The following DPP10 variants were observed in gnomAD, a reference collection of about 807,000 sequenced individuals.
DPP10 encodes dipeptidyl peptidase like 10, also known as inactive dipeptidyl peptidase 10.
In DPP10, 33 loss-of-function variants were observed where a neutral mutation model predicts 120.9. The ratio of observed to expected loss-of-function variants is 0.27; its 90% CI spans 0.21 to 0.37. The LOEUF is 0.37. Ranked by LOEUF, DPP10 falls within the 10% of genes least tolerant of loss-of-function variation. The pLI, the probability that DPP10 is intolerant of heterozygous loss-of-function variation, is 1.00. For synonymous variants in DPP10, 337 were observed against 326.1 expected, an observed-to-expected ratio of 1.03 and a Z score of -0.36; for missense variants, 816 against 942.8, an observed-to-expected ratio of 0.87 and a Z score of 1.76.
chr2:115,176,510 G>A (rs1184178994), intron 1 of DPP10, among the ~76,000 whole-genome samples: 2 of 151,930 alleles, frequency 1.3e-5, no homozygotes, highest in Admixed American at 6.6e-5. Flanking sequence ...TGCAGAAGTT[G>A]TCTTTTGATC....
chr2:114,920,936 G>C (rs886836906), intron 1 of DPP10, among the ~76,000 whole-genome samples: 10 of 152,130 alleles, frequency 6.6e-5, no homozygotes, highest in African/African-American at 2.4e-4. Flanking sequence ...ATTGCAGGAA[G>C]AGTTTTAAAG....
At chr2:115,748,839 C>G (rs1678344562) in intron 10 of DPP10, among the ~76,000 whole-genome samples, 1 of 152,058 alleles carries the variant, frequency 6.6e-6, no homozygotes, top group Non-Finnish European at 1.5e-5. Context: ...AATTTCTTCT[C>G]CTAATTCTTA....
chr2:115,035,453 G>A (rs1344610244), intron 1 of DPP10, among the ~76,000 whole-genome samples: 3 of 152,166 alleles, frequency 2.0e-5, no homozygotes, highest in South Asian at 4.2e-4. Context: ...TAACTCCAAC[G>A]TATCTTGAAG....
intron 21 of DPP10, among the ~76,000 whole-genome samples, chr2:115,834,645 A>G (rs1689262393): frequency 2.0e-5 from 3 of 152,198 alleles, no homozygotes; most frequent in Admixed American, 1.3e-4. Flanking sequence ...AACTTAAACA[A>G]TAATTTAACT....
intron 1 of DPP10, among the ~76,000 whole-genome samples, chr2:114,819,930 C>A (rs1685952934): frequency 6.6e-6 from 1 of 152,134 alleles, no homozygotes; most frequent in Non-Finnish European, 1.5e-5. Context: ...TTATTATAAT[C>A]TTTTCTTTAA....
At chr2:115,770,004 A>T (rs759292410) in intron 13 of DPP10, among the ~76,000 whole-genome samples, 1 of 152,096 alleles carries the variant, frequency 6.6e-6, no homozygotes, top group Non-Finnish European at 1.5e-5. Context: ...AGATATTTGT[A>T]AGAGATAGTG....
At chr2:115,515,901 C>T (rs977954067) in intron 4 of DPP10, among the ~76,000 whole-genome samples, 1 of 152,034 alleles carries the variant, frequency 6.6e-6, no homozygotes, top group Non-Finnish European at 1.5e-5. Context: ...AAAAAATAAA[C>T]ACACACACTG....
At chr2:115,715,083 T>G (rs2149587569) in intron 7 of DPP10, among the ~76,000 whole-genome samples, 1 of 148,204 alleles carries the variant, frequency 6.7e-6, no homozygotes, top group African/African-American at 2.5e-5. Flanking sequence ...CTCATGCCTG[T>G]CATCCCAGCA....
chr2:115,286,526 A>ATATATCTATATATATATATAT (rs10675008), intron 1 of DPP10, among the ~76,000 whole-genome samples: 1 of 60,946 alleles, frequency 1.6e-5, no homozygotes, highest in African/African-American at 5.4e-5. Flanking sequence ...ATATATATAT[A>ATATATCTATATATATATATAT]ATATATATAT....
chr2:115,750,691 T>C (rs1678588269), intron 10 of DPP10, among the ~76,000 whole-genome samples: 1 of 152,202 alleles, frequency 6.6e-6, no homozygotes, highest in African/African-American at 2.4e-5. Flanking sequence ...TACAACTAAG[T>C]TAGTGTTCCC....
chr2:114,509,077 G>C (rs1388132989), intron 1 of DPP10, among the ~76,000 whole-genome samples: 1 of 152,004 alleles, frequency 6.6e-6, no homozygotes, highest in Non-Finnish European at 1.5e-5. Context: ...ATGAAATCCA[G>C]AAATAAGAGA....
intron 1 of DPP10, among the ~76,000 whole-genome samples, chr2:114,826,676 G>A (rs532842121): frequency 3.9e-5 from 6 of 152,032 alleles, no homozygotes; most frequent in Non-Finnish European, 7.4e-5. Context: ...GATTACAGGA[G>A]CATAACCCCA....
intron 1 of DPP10, among the ~76,000 whole-genome samples, chr2:115,061,099 C>T (rs938460026): frequency 1.2e-4 from 19 of 152,292 alleles, no homozygotes; most frequent in Middle Eastern, 3.4e-3. Context: ...CCCCTGCCCA[C>T]ACTGCAGCTA....
At chr2:115,038,938 A>T (rs1034456277) in intron 1 of DPP10, among the ~76,000 whole-genome samples, 1 of 152,236 alleles carries the variant, frequency 6.6e-6, no homozygotes, top group East Asian at 1.9e-4. Context: ...GCCCTTAATC[A>T]AACAAACCTG....
intron 1 of DPP10, among the ~76,000 whole-genome samples, chr2:114,761,338 A>G (rs1412856516): frequency 3.9e-5 from 6 of 152,174 alleles, no homozygotes; most frequent in African/African-American, 1.4e-4. Flanking sequence ...ATATGTTTCT[A>G]TAAAGTCTGA....
intron 1 of DPP10, among the ~76,000 whole-genome samples, chr2:114,810,351 A>G (rs995785623): frequency 1.3e-5 from 2 of 152,198 alleles, no homozygotes; most frequent in Admixed American, 6.5e-5. Context: ...GGTAGTCTGA[A>G]CAAGCGCCTT....
At chr2:115,606,915 G>C (rs1004977976) in intron 5 of DPP10, among the ~76,000 whole-genome samples, 2 of 152,156 alleles carry the variant, frequency 1.3e-5, no homozygotes, top group Non-Finnish European at 2.9e-5. Flanking sequence ...AAGAATGCGA[G>C]CTTTCATTTT....
intron 1 of DPP10, among the ~76,000 whole-genome samples, chr2:114,561,680 A>C (rs1388309667): frequency 1.3e-5 from 2 of 152,190 alleles, no homozygotes; most frequent in East Asian, 3.8e-4. Context: ...AGAAGGAAAA[A>C]AATTCCAAGT....
intron 1 of DPP10, among the ~76,000 whole-genome samples, chr2:114,655,501 T>C (rs1304346898): frequency 1.3e-5 from 2 of 152,222 alleles, no homozygotes; most frequent in African/African-American, 4.8e-5. Flanking sequence ...ATGAGATTAA[T>C]CCTTCCTTGA....
Sources: gnomAD v4.1 joint callset for allele counts (sites outside exome capture counted in the v4.1 genomes callset) on GRCh38, gnomAD v4.1.1 for gene constraint, MANE v1.5 for transcripts, NCBI Gene and HGNC (gene_info 2026-07-23, HGNC 2026-07-21) for gene names.